Variants in AKAP13 observed in about 807,000 individuals in gnomAD.
AKAP13 encodes the protein A-kinase anchoring protein 13.
In AKAP13, 80 loss-of-function variants were observed where a neutral mutation model predicts 264.5. The ratio of observed to expected loss-of-function variants is 0.30; its 90% CI spans 0.25 to 0.36. AKAP13 has a LOEUF of 0.36. AKAP13 is among the 10% of genes least tolerant of loss of function. The probability of loss-of-function intolerance (pLI) is 1.00; values close to 1 mark genes in which losing one functional copy is unlikely to be tolerated. For synonymous variants in AKAP13, 1,380 were observed against 1,250.2 expected, an observed-to-expected ratio of 1.10 and a Z score of -2.19; for missense variants, 3,712 against 3,435.2, an observed-to-expected ratio of 1.08 and a Z score of -2.01.
chr15:85,404,778 A>T (rs1475027688), intron 1 of AKAP13, among the ~76,000 whole-genome samples: 1 of 152,218 alleles, frequency 6.6e-6, no homozygotes, highest in Non-Finnish European at 1.5e-5. Flanking sequence ...GGGCTCAGTA[A>T]TCTTTACTGA....
chr15:85,500,037 T>C (rs1373697000), intron 2 of AKAP13, among the ~76,000 whole-genome samples: 2 of 152,224 alleles, frequency 1.3e-5, no homozygotes, highest in African/African-American at 4.8e-5. Flanking sequence ...ACATGGATGA[T>C]TATAAATGTC....
At chr15:85,391,355 A>G (rs1390648908) in intron 1 of AKAP13, among the ~76,000 whole-genome samples, 1 of 152,176 alleles carries the variant, frequency 6.6e-6, no homozygotes, top group Admixed American at 6.5e-5. Context: ...ATGCTAGTGT[A>G]TTATTTGAAT....
intron 9 of AKAP13, among the ~76,000 whole-genome samples, chr15:85,641,569 T>C (rs1484045963): frequency 6.7e-6 from 1 of 149,736 alleles, no homozygotes; most frequent in Non-Finnish European, 1.5e-5. Flanking sequence ...CACTGCAAGC[T>C]CCGCCTCCCA....
intron 5 of AKAP13, chr15:85,555,352 T>G (rs1225460924): frequency 9.1e-7 from 1 of 1,094,096 alleles, no homozygotes; most frequent in Admixed American, 2.3e-5. Flanking sequence ...CTGCAGTTCC[T>G]TGTCAGAAGT....
chr15:85,529,153 C>T (rs777927091), intron 3 of AKAP13, among the ~76,000 whole-genome samples: 8 of 152,036 alleles, frequency 5.3e-5, no homozygotes, highest in Non-Finnish European at 1.0e-4. Context: ...TGGCCAGGCA[C>T]GGTGTAAGGT....
chr15:85,743,819 C>A lies in AKAP13; in HGVS notation c.8386C>A (p.Pro2796Thr), dbSNP rs780556811. Residue 2796 changes from proline (P) to threonine (T), a missense_variant, in exon 36 of 37, where the codon CCC becomes ACC. By Grantham distance (38) the Pro-to-Thr change is conservative (BLOSUM62 -1). This residue lies in a region of AKAP13 where 611 missense variants were observed against 539.3 expected (regional missense o/e 1.13). Coordinates refer to ENST00000394518, the MANE Select transcript of AKAP13 (RefSeq NM_007200.5). Reference protein sequence around the residue: ...KKKNKTSRSQPGDGPASEVSA... With the variant: ...KKKNKTSRSQTGDGPASEVSA... The stretch of plus-strand genomic sequence containing the variant: ...GAAGAACAAAACCAGCCGCTCTCAG[C>A]CCGGTGGTGAGTCACGCACACCTGC... 2 of 1,608,464 alleles carry A rather than the reference C, an allele frequency of 1.2e-6. No individual in the cohort carries two copies. The highest frequency in any genetic ancestry group is 4.5e-5 in the East Asian group (2 of 44,836).
rs1289687818 is a variant in AKAP13, at chr15:85,392,083, CTATTCT to C, written c.-12+11294_-12+11299del. ...CAGGCGTGAGTCACCATGCCCGGCT[CTATTCT>C]TATTCTTAATAAAAGGAGTTAATAA... On this transcript the variant is annotated intron_variant, in intron 1 of 36. Coordinates refer to ENST00000394518, the MANE Select transcript of AKAP13 (RefSeq NM_007200.5). Among the ~76,000 whole-genome samples, 18 of 151,188 alleles carry C rather than the reference CTATTCT, an allele frequency of 1.2e-4. No homozygotes were observed. In the South Asian group the frequency reaches 3.8e-3, roughly 32 times the overall value.
At chr15:85,467,573 C>T (rs890572308) in intron 1 of AKAP13, among the ~76,000 whole-genome samples, 2 of 152,180 alleles carry the variant, frequency 1.3e-5, no homozygotes, top group Non-Finnish European at 2.9e-5. Context: ...TACCTCTCTG[C>T]AGCCTTCCTG....
intron 17 of AKAP13, among the ~76,000 whole-genome samples, chr15:85,694,965 CTT>C (rs796328058): frequency 1.4e-5 from 2 of 146,568 alleles, no homozygotes; most frequent in Admixed American, 6.8e-5. Flanking sequence ...GATTTTTTTT[CTT>C]TTTTTTTTTG....
intron 8 of AKAP13, among the ~76,000 whole-genome samples, chr15:85,623,719 G>A (rs1263723878): frequency 1.3e-5 from 2 of 152,080 alleles, no homozygotes; most frequent in Non-Finnish European, 2.9e-5. Context: ...GTATTCCTTG[G>A]TCACCCACCT....
chr15:85,611,404 T>C (rs1480767220), intron 8 of AKAP13, among the ~76,000 whole-genome samples: 1 of 152,204 alleles, frequency 6.6e-6, no homozygotes, highest in Non-Finnish European at 1.5e-5. Context: ...TTCCGCCCTT[T>C]ACCTAGTTGT....
intron 23 of AKAP13, 150 bp downstream of exon 23, chr15:85,719,476 C>G: frequency 2.6e-6 from 3 of 1,144,146 alleles, no homozygotes; most frequent in Non-Finnish European, 3.6e-6. Flanking sequence ...GCCTTGATTT[C>G]CTTTTCTGTA....
intron 3 of AKAP13, among the ~76,000 whole-genome samples, chr15:85,531,737 TAGAA>T (rs1467743569): frequency 6.6e-6 from 1 of 152,220 alleles, no homozygotes; most frequent in Non-Finnish European, 1.5e-5. Context: ...ACAGCCTTCT[TAGAA>T]AGAATTCGAC....
chr15:85,679,802 A>C (rs958611319), intron 14 of AKAP13, among the ~76,000 whole-genome samples: 1 of 152,216 alleles, frequency 6.6e-6, no homozygotes, highest in Non-Finnish European at 1.5e-5. Context: ...GCTAACTTTA[A>C]TGACAAGTTT....
intron 16 of AKAP13, among the ~76,000 whole-genome samples, chr15:85,687,413 C>A (rs768246065): frequency 6.6e-6 from 1 of 152,182 alleles, no homozygotes; most frequent in South Asian, 2.1e-4. Context: ...AGACCGAAAT[C>A]TGTGATCACT....
chr15:85,442,181 G>T (rs2073682633), intron 1 of AKAP13, among the ~76,000 whole-genome samples: 1 of 151,678 alleles, frequency 6.6e-6, no homozygotes, highest in Admixed American at 6.6e-5. Context: ...GGAGGCTGAG[G>T]TGGGCGGATC....
In AKAP13 at chr15:85,671,433, CAAAAAAAAAAAAAA is replaced by C. The variant is rs11296113; in HGVS notation, c.5101+1615_5101+1628del. Among the ~76,000 whole-genome samples the C allele has an allele frequency of 5.7e-5, 4 of 70,566 alleles. No homozygotes were observed. In the East Asian group the frequency reaches 9.4e-4, roughly 17 times the overall value. 46.3% of individuals were successfully genotyped at this position (70,566 alleles called of 152,430 possible). A position where few individuals can be genotyped will look rare whatever the true frequency, so the allele number is the denominator to read the frequency against. ...TGGGTGATAGAGTGAGACACTGCCTCAAAAAAAAAAAAAAAAAAAAAAAAAGAGAGAGAGAGAAA... is the reference window on the plus strand; with the variant it reads ...TGGGTGATAGAGTGAGACACTGCCTCAAAAAAAAAAAGAGAGAGAGAGAAA... On this transcript the variant is annotated intron_variant, in intron 14 of 36. Coordinates refer to ENST00000394518, the MANE Select transcript of AKAP13 (RefSeq NM_007200.5).
At chr15:85,622,826 C>T (rs747350370) in intron 8 of AKAP13, among the ~76,000 whole-genome samples, 12 of 152,086 alleles carry the variant, frequency 7.9e-5, no homozygotes, top group Non-Finnish European at 1.3e-4. Context: ...TATTCTAGAC[C>T]TCTTTTTTGA....
At chr15:85,711,256 T>C (rs11632005) in intron 19 of AKAP13, among the ~76,000 whole-genome samples, 103,407 of 151,914 alleles carry the variant, frequency 0.68, 36,624 homozygotes, top group Non-Finnish European at 0.78. Flanking sequence ...TCAAATGTTA[T>C]TCAGAATTGA....
Sources: allele counts gnomAD v4.1 joint callset (sites outside exome capture counted in the v4.1 genomes callset), GRCh38; gene constraint gnomAD v4.1.1; regional missense constraint gnomAD v4.1.1; transcripts MANE v1.5; gene names NCBI Gene and HGNC (gene_info 2026-07-23, HGNC 2026-07-21).